The following CELF2 variants were observed in gnomAD, a reference collection of about 807,000 sequenced individuals.
CELF2 encodes the protein CUGBP Elav-like family member 2.
A neutral mutation model predicts 62.6 loss-of-function variants in CELF2; 8 were observed. That is an observed-to-expected ratio of 0.13 (90% CI 0.07 to 0.23). The LOEUF is 0.23. Among genes scored for constraint, CELF2 ranks in the 10% least tolerant of loss-of-function variants. The pLI is 1.00. For synonymous variants in CELF2, 258 were observed against 250.0 expected, an observed-to-expected ratio of 1.03 and a Z score of -0.30; for missense variants, 333 against 671.0, an observed-to-expected ratio of 0.50 and a Z score of 5.56.
chr10:10,473,734 T>C, the CELF2 span, among the ~76,000 whole-genome samples: 5 of 151,992 alleles, frequency 3.3e-5, no homozygotes, highest in Admixed American at 1.3e-4. Flanking sequence ...ATTCAGTCAT[T>C]GAAAGAAAAA....
chr10:10,787,403 ATACT>A, the CELF2 span, among the ~76,000 whole-genome samples: 1 of 152,218 alleles, frequency 6.6e-6, no homozygotes, highest in African/African-American at 2.4e-5. Context: ...AAAACAGAAC[ATACT>A]TAGAGTAAAA....
chr10:11,027,790 A>T (rs578062334), intron 1 of CELF2, among the ~76,000 whole-genome samples: 2 of 152,198 alleles, frequency 1.3e-5, no homozygotes, highest in Non-Finnish European at 2.9e-5. Flanking sequence ...TTCCATGCCT[A>T]CTTCAAGTCT....
At chr10:10,856,251 C>T (rs912105200) in intron 1 of CELF2, among the ~76,000 whole-genome samples, 3 of 152,134 alleles carry the variant, frequency 2.0e-5, no homozygotes, top group East Asian at 1.9e-4. Context: ...CACCGGATCG[C>T]GTTGTTTTCC....
the CELF2 span, among the ~76,000 whole-genome samples, chr10:10,547,253 T>C: frequency 2.0e-5 from 3 of 152,158 alleles, no homozygotes; most frequent in African/African-American, 7.2e-5. Context: ...CTCACTATTG[T>C]GCCCAAGCTG....
the CELF2 span, among the ~76,000 whole-genome samples, chr10:10,487,953 T>A: frequency 6.6e-6 from 1 of 152,118 alleles, no homozygotes; most frequent in East Asian, 1.9e-4. Flanking sequence ...AATCATTACA[T>A]AATCATTATG....
At position 11,217,034 on chromosome 10, in the gene CELF2, T is replaced by C. The variant is rs1339785427; in HGVS notation, c.272-391T>C. Among the ~76,000 whole-genome samples, 1 of 152,270 alleles carries C rather than the reference T, an allele frequency of 6.6e-6. No individual in the cohort carries two copies. Among genetic ancestry groups the C allele is most frequent in the Non-Finnish European group, 1.5e-5 (1 of 68,050 alleles). The stretch of plus-strand genomic sequence containing the variant: ...TTTCAAAAACCTGACGTTCTGGAGA[T>C]ACACTTTAAGAAAATTATAATTAAT... On this transcript the variant is annotated intron_variant, in intron 2 of 12. Transcript: ENST00000633077. This position sits in a 1 kb window ranked among gnomAD's most constrained non-coding sequence, Gnocchi z 5.6.
intron 1 of CELF2, among the ~76,000 whole-genome samples, chr10:10,902,921 G>A (rs1422674196): frequency 7.3e-6 from 1 of 137,242 alleles, no homozygotes; most frequent in Non-Finnish European, 1.6e-5. Flanking sequence ...GAAGAGGGAG[G>A]GAGGGAAAAG....
upstream of CELF2, among the ~76,000 whole-genome samples, chr10:10,794,302 G>A (rs1291211263): frequency 6.6e-6 from 1 of 152,064 alleles, no homozygotes; most frequent in Non-Finnish European, 1.5e-5. Flanking sequence ...CTTAAGAGGA[G>A]AGAGAGAGCT....
chr10:11,232,674 T>G (rs1489497570), intron 3 of CELF2, among the ~76,000 whole-genome samples: 1 of 152,200 alleles, frequency 6.6e-6, no homozygotes, highest in African/African-American at 2.4e-5. Context: ...TGGTACTGAT[T>G]TCAAGGACAC....
At chr10:10,826,833 T>C (rs1240910212) in intron 1 of CELF2, among the ~76,000 whole-genome samples, 1 of 152,244 alleles carries the variant, frequency 6.6e-6, no homozygotes, top group Non-Finnish European at 1.5e-5. Context: ...TGCAAAGTAA[T>C]CAAGAGAAGC....
At chr10:10,567,906 C>T in the CELF2 span, among the ~76,000 whole-genome samples, 1 of 152,092 alleles carries the variant, frequency 6.6e-6, no homozygotes, top group Admixed American at 6.6e-5. Flanking sequence ...ATTCATTCAA[C>T]AGATATTTAC....
chr10:11,132,935 G>A (rs554048082), intron 1 of CELF2, among the ~76,000 whole-genome samples: 17 of 152,296 alleles, frequency 1.1e-4, no homozygotes, highest in Non-Finnish European at 2.4e-4. Flanking sequence ...AAGAGGTGAT[G>A]GTGGTGGTGA....
intron 1 of CELF2, among the ~76,000 whole-genome samples, chr10:11,042,419 A>C (rs2062001017): frequency 6.6e-6 from 1 of 152,198 alleles, no homozygotes; most frequent in Non-Finnish European, 1.5e-5. Flanking sequence ...TTGAAGACTC[A>C]CATTGATGTT....
At chr10:10,788,380 G>T in the CELF2 span, among the ~76,000 whole-genome samples, 2 of 148,104 alleles carry the variant, frequency 1.4e-5, no homozygotes, top group African/African-American at 4.9e-5. Context: ...AATAAGGAAA[G>T]GTATGAAGAA....
intron 2 of CELF2, among the ~76,000 whole-genome samples, chr10:11,000,001 A>G (rs2054361984): frequency 6.6e-6 from 1 of 152,214 alleles, no homozygotes; most frequent in South Asian, 2.1e-4. Flanking sequence ...CATAAATATT[A>G]AACGCCTAAC....
chr10:10,994,388 A>G (rs1171300823), intron 2 of CELF2, among the ~76,000 whole-genome samples: 1 of 152,230 alleles, frequency 6.6e-6, no homozygotes, highest in Non-Finnish European at 1.5e-5. Context: ...TCCAGAAATT[A>G]CAGGGAATCT....
intron 1 of CELF2, among the ~76,000 whole-genome samples, chr10:10,860,389 A>G (rs1160296629): frequency 6.6e-6 from 1 of 152,212 alleles, no homozygotes; most frequent in Non-Finnish European, 1.5e-5. Flanking sequence ...AGATGTCCTC[A>G]GGCCACCTGT....
chr10:11,132,707 C>T (rs926437129), intron 1 of CELF2, among the ~76,000 whole-genome samples: 1 of 152,148 alleles, frequency 6.6e-6, no homozygotes, highest in South Asian at 2.1e-4. Context: ...AAAAGCAATG[C>T]TAAATGCCTG....
At chr10:11,056,456 CTG>C (rs2065260653) in intron 1 of CELF2, among the ~76,000 whole-genome samples, 2 of 152,244 alleles carry the variant, frequency 1.3e-5, no homozygotes. Flanking sequence ...GATAGTTTCA[CTG>C]TAAGATAAAG....
Sources: allele counts gnomAD v4.1 joint callset (sites outside exome capture counted in the v4.1 genomes callset), GRCh38; gene constraint gnomAD v4.1.1; non-coding constraint Gnocchi (gnomAD v3.1); transcripts MANE v1.5; gene names NCBI Gene and HGNC (gene_info 2026-07-23, HGNC 2026-07-21).